PARD6G: variants seen among roughly 807,000 people sequenced by gnomAD.
PARD6G encodes the protein par-6 family cell polarity regulator gamma.
PARD6G carries 7 observed loss-of-function variants against 10.7 expected under a neutral mutation model. The ratio of observed to expected loss-of-function variants is 0.66; its 90% CI spans 0.37 to 1.23. The LOEUF (loss-of-function observed/expected upper bound fraction) is 1.23. Among genes scored for constraint, PARD6G ranks in the 50% most tolerant of loss-of-function variants. The pLI is 0.02. For missense variants in PARD6G, 548 were observed against 571.8 expected (o/e 0.96, Z 0.42); for synonymous variants, 287 against 269.4 (o/e 1.07, Z -0.64).
chr18:80,207,048 A>G (rs1967061767), intron 1 of PARD6G, among the ~76,000 whole-genome samples: 1 of 144,510 alleles, frequency 6.9e-6, no homozygotes, highest in African/African-American at 2.5e-5. Flanking sequence ...TCCGATGTTT[A>G]TTTGGATGGC....
At chr18:80,179,565 G>A (rs569254062) in intron 2 of PARD6G, among the ~76,000 whole-genome samples, 1 of 152,300 alleles carries the variant, frequency 6.6e-6, no homozygotes, top group South Asian at 2.1e-4. Flanking sequence ...CTGGGCCCAC[G>A]TTAAATCAGC....
intron 1 of PARD6G, among the ~76,000 whole-genome samples, chr18:80,221,209 T>C (rs1967224980): frequency 6.6e-6 from 1 of 152,188 alleles, no homozygotes; most frequent in Non-Finnish European, 1.5e-5. Flanking sequence ...CAATTTATGC[T>C]ATGAGGTCAG....
At chr18:80,208,559 A>G (rs1158232744) in intron 1 of PARD6G, among the ~76,000 whole-genome samples, 3 of 152,090 alleles carry the variant, frequency 2.0e-5, no homozygotes, top group African/African-American at 7.2e-5. Flanking sequence ...GAGCCATCCT[A>G]TCCCGGGAGG....
intron 2 of PARD6G, among the ~76,000 whole-genome samples, chr18:80,163,286 A>G (rs1373458228): frequency 1.3e-5 from 2 of 152,122 alleles, no homozygotes; most frequent in Non-Finnish European, 1.5e-5. Flanking sequence ...AGGGCAGGTG[A>G]GGCCTGAGAT....
rs2052840754 is a variant in PARD6G at position 80,180,150 on chromosome 18, A to C, written c.296-19544T>G. Reference sequence around the variant, plus strand: ...TGGGTGAACCAGGGCCCGGGACGGGAATGGCCATTGGTGTGTCAGCTGCTC... The same window carrying C: ...TGGGTGAACCAGGGCCCGGGACGGGCATGGCCATTGGTGTGTCAGCTGCTC... On this transcript the variant is annotated intron_variant, in intron 2 of 2. Coordinates refer to ENST00000353265, the MANE Select transcript of PARD6G (RefSeq NM_032510.4). This position sits in a 1 kb window ranked among gnomAD's most constrained non-coding sequence, Gnocchi z 5.6. Among the ~76,000 whole-genome samples the C allele has an allele frequency of 6.6e-6, 1 of 152,184 alleles. No individual in the cohort carries two copies. The highest frequency in any genetic ancestry group is 1.5e-5 in the Non-Finnish European group (1 of 67,994).
In PARD6G at chr18:80,175,320, C is replaced by T. The variant is rs2052801815; in HGVS notation, c.296-14714G>A. Among the ~76,000 whole-genome samples the T allele has an allele frequency of 6.6e-6, 1 of 152,174 alleles. No homozygotes were observed. The highest frequency in any genetic ancestry group is 6.5e-5 in the Admixed American group (1 of 15,288). On this transcript the variant is annotated intron_variant, in intron 2 of 2. Coordinates refer to ENST00000353265, the MANE Select transcript of PARD6G (RefSeq NM_032510.4). The surrounding 1 kb of genome is among the most constrained non-coding windows in gnomAD (Gnocchi z 6.7). ...CTATGCACATTTATTTCTAACAGTT[C>T]TGGAGGCTGGAAAGTCCCATATCAA...
At chr18:80,179,336 A>C (rs1490102489) in intron 2 of PARD6G, among the ~76,000 whole-genome samples, 2 of 151,676 alleles carry the variant, frequency 1.3e-5, no homozygotes, top group East Asian at 3.9e-4. Flanking sequence ...AGCAAGGCCC[A>C]GGGAGGATGA....
rs1404616727 is a variant in PARD6G, at chr18:80,189,886, A to G, written c.295+12824T>C. ...CAGCTGGTTTGAAATACCATGTAGG[A>G]TATGATTTATCTACCAAAGAGCTCA... is the stretch of plus-strand genomic sequence containing the variant. On this transcript the variant is annotated intron_variant, in intron 2 of 2. Transcript: ENST00000353265. The surrounding 1 kb of genome is among the most constrained non-coding windows in gnomAD (Gnocchi z 5.5). Among the ~76,000 whole-genome samples the G allele has an allele frequency of 6.6e-6, 1 of 152,220 alleles. No individual in the cohort carries two copies.
At chr18:80,215,395 T>C (rs541298466) in intron 1 of PARD6G, among the ~76,000 whole-genome samples, 2 of 152,324 alleles carry the variant, frequency 1.3e-5, no homozygotes, top group South Asian at 4.1e-4. Flanking sequence ...TAACTCATTC[T>C]TCTGATTTAA....
rs142235169 is a variant in PARD6G at position 80,157,667 on chromosome 18, G to T, written c.*2104C>A. On this transcript the variant is annotated 3_prime_UTR_variant, in exon 3 of 3. Transcript: ENST00000353265. ...TGCCCTTCATCAGAGAGCAAGTCCG[G>T]GGGGTGCGGATCCTCACCGGAGAGG... 2.6e-5 allele frequency: 4 copies of T among 152,296 alleles called. No individual in the cohort carries two copies. In the East Asian group the frequency reaches 7.7e-4, roughly 29 times the overall value. The allele number at this position is 152,296 out of a possible 1,614,324, so 9.4% of individuals were successfully genotyped here.
chr18:80,177,025 G>GCGCACA (rs1555734766), intron 2 of PARD6G, among the ~76,000 whole-genome samples: 3 of 137,124 alleles, frequency 2.2e-5, no homozygotes, highest in Non-Finnish European at 4.6e-5. Flanking sequence ...GCGCGCGCGT[G>GCGCACA]CACACACACA....
rs181943982 is a variant in PARD6G, at chr18:80,163,710, G to A, written c.296-3104C>T. 3.0e-3 allele frequency among the ~76,000 whole-genome samples: 456 copies of A among 152,328 alleles called. 1 individual carries two copies. Among genetic ancestry groups the A allele is most frequent in the Admixed American group, 3.1e-3 (48 of 15,302 alleles). On this transcript the variant is annotated intron_variant, in intron 2 of 2. Transcript: ENST00000353265. ...TGTAGGATACAGAGAAGGGCACAGC[G>A]GGCCGGGCCCCTCCTCGTAAGGGGC...
rs2052681201 is a variant in PARD6G, at chr18:80,159,661, G to A, written c.*110C>T. The A allele has an allele frequency of 1.5e-6, 2 of 1,299,416 alleles. No individual in the cohort carries two copies. The highest frequency in any genetic ancestry group is 3.2e-5 in the East Asian group (1 of 31,282). The allele number at this position is 1,299,416 out of a possible 1,614,324, so 80.5% of individuals were successfully genotyped here. On this transcript the variant is annotated 3_prime_UTR_variant, in exon 3 of 3. Transcript: ENST00000353265. ...TCCGGAAGTTGAAACAAAGAGCAGC[G>A]TTGTTTTTGTGGTCACAAAAACAAC...
Position 80,246,192 on chromosome 18 carries a change from C to A in PARD6G, c.72+1085G>T, listed in dbSNP as rs1022160574. 6.6e-6 allele frequency among the ~76,000 whole-genome samples: 1 copy of A among 152,078 alleles called. No individual in the cohort carries two copies. The highest frequency in any genetic ancestry group is 2.4e-5 in the African/African-American group (1 of 41,394). Reference sequence around the variant, plus strand: ...GGAGCCTTTCCCACAACTCTGAGAACCGGGGTGCGAAGAAAGAAAGGGCGA... The same window carrying A: ...GGAGCCTTTCCCACAACTCTGAGAAACGGGGTGCGAAGAAAGAAAGGGCGA... On this transcript the variant is annotated intron_variant, in intron 1 of 2. Transcript: ENST00000353265. The surrounding 1 kb of genome is among the most constrained non-coding windows in gnomAD (Gnocchi z 6.7).
intron 2 of PARD6G, among the ~76,000 whole-genome samples, chr18:80,198,076 G>C (rs1019416546): frequency 7.9e-5 from 12 of 152,208 alleles, no homozygotes; most frequent in African/African-American, 2.7e-4. Context: ...GAAAGGCAGT[G>C]AAGGCCTAAG....
chr18:80,235,170 A>C (rs1049719727), intron 1 of PARD6G, among the ~76,000 whole-genome samples: 4 of 152,246 alleles, frequency 2.6e-5, no homozygotes, highest in African/African-American at 9.6e-5. Flanking sequence ...CTCAGACCAC[A>C]GTGCAATCAA....
intron 1 of PARD6G, among the ~76,000 whole-genome samples, chr18:80,212,226 G>A (rs1165457463): frequency 6.6e-6 from 1 of 152,146 alleles, no homozygotes; most frequent in Non-Finnish European, 1.5e-5. Context: ...GTATGTGAGT[G>A]TAACCTGTGA....
chr18:80,172,401 CAG>C (rs2052783268), intron 2 of PARD6G, among the ~76,000 whole-genome samples: 1 of 140,336 alleles, frequency 7.1e-6, no homozygotes, highest in Non-Finnish European at 1.5e-5. Context: ...TTTTTTGAGA[CAG>C]AGTTTCAGTC....
intron 2 of PARD6G, among the ~76,000 whole-genome samples, chr18:80,168,583 GT>G (rs1353592527): frequency 6.8e-6 from 1 of 147,942 alleles, no homozygotes; most frequent in African/African-American, 2.6e-5. Flanking sequence ...TTGTGTGTGT[GT>G]GTGTGTGTGT....
Sources: allele counts gnomAD v4.1 joint callset (sites outside exome capture counted in the v4.1 genomes callset), GRCh38; gene constraint gnomAD v4.1.1; non-coding constraint Gnocchi (gnomAD v3.1); transcripts MANE v1.5; gene names NCBI Gene and HGNC (gene_info 2026-07-23, HGNC 2026-07-21).